Variants in DEPDC4 observed in about 807,000 individuals in gnomAD.
The protein encoded by DEPDC4 is DEP domain-containing protein 4.
In DEPDC4, 52 loss-of-function variants were observed where a neutral mutation model predicts 52.0. That is an observed-to-expected ratio of 1.00 (90% CI 0.80 to 1.26). The LOEUF is 1.26. Among genes scored for constraint, DEPDC4 ranks in the 50% most tolerant of loss-of-function variants. DEPDC4 has a pLI of 0.00. For synonymous variants in DEPDC4, 201 were observed against 196.8 expected (o/e 1.02, Z -0.18); for missense variants, 530 against 546.9 (o/e 0.97, Z 0.31).
intron 3 of DEPDC4, chr12:100,261,613 G>A (rs2153922612): frequency 2.3e-6 from 1 of 430,372 alleles, no homozygotes; most frequent in East Asian, 7.0e-5. Context: ...CAAATACTAA[G>A]GACTGTGGTG....
intron 5 of DEPDC4, among the ~76,000 whole-genome samples, chr12:100,253,152 A>T (rs1216619016): frequency 2.0e-5 from 3 of 152,198 alleles, no homozygotes; most frequent in African/African-American, 7.2e-5. Flanking sequence ...TCCTGACCTC[A>T]GGTGACTCAC....
At chr12:100,238,128 A>G, downstream of DEPDC4, 1 of 906,896 alleles carries the variant, frequency 1.1e-6, no homozygotes, top group Non-Finnish European at 1.3e-6. Flanking sequence ...CTTAAAAAAA[A>G]AAAATATGCA....
At chr12:100,265,101 C>G (rs193099469) in intron 1 of DEPDC4, among the ~76,000 whole-genome samples, 1 of 148,576 alleles carries the variant, frequency 6.7e-6, no homozygotes, top group East Asian at 2.0e-4. Flanking sequence ...GATTTCAAGA[C>G]TAGCTTGGGC....
At chr12:100,233,300 C>A (rs2096137071) in intron 9 of DEPDC4, among the ~76,000 whole-genome samples, 1 of 152,120 alleles carries the variant, frequency 6.6e-6, no homozygotes. Context: ...GCATACAGCC[C>A]CCTGAAAGAT....
upstream of DEPDC4, among the ~76,000 whole-genome samples, chr12:100,269,426 A>G (rs918828324): frequency 7.2e-5 from 11 of 152,052 alleles, no homozygotes; most frequent in African/African-American, 2.7e-4. Context: ...TTACCACACC[A>G]TTGAAGAGTT....
Position 100,262,412 on chromosome 12 carries a change from G to T in DEPDC4, c.555-3C>A. 1 of 1,588,068 alleles carries T rather than the reference G, an allele frequency of 6.3e-7. No homozygotes were observed. The highest frequency in any genetic ancestry group is 8.5e-7 in the Non-Finnish European group (1 of 1,173,330). On this transcript the variant is annotated splice_region_variant and splice_polypyrimidine_tract_variant and intron_variant, in intron 2 of 9. Coordinates refer to ENST00000550587, the MANE Select transcript of DEPDC4 (RefSeq NM_001364818.2). ...TTGAAATCATTTCATATCCTGGTCT[G>T]TTAAAAAATAATACGTGGCTCTTTT... is the stretch of plus-strand genomic sequence containing the variant.
the DEPDC4 span, among the ~76,000 whole-genome samples, chr12:100,278,597 G>A: frequency 0.016 from 2,375 of 150,612 alleles, 64 homozygotes; most frequent in African/African-American, 0.055. Flanking sequence ...TTGTTCTTTG[G>A]CATGTGTTGT....
chr12:100,280,002 T>C, the DEPDC4 span, among the ~76,000 whole-genome samples: 2 of 152,232 alleles, frequency 1.3e-5, no homozygotes, highest in Non-Finnish European at 2.9e-5. Flanking sequence ...CTCCAGCTTC[T>C]CAATTCAGCT....
Position 100,263,882 on chromosome 12 carries a change from G to GACC in DEPDC4, c.166_168dup (p.Gly56dup), listed in dbSNP as rs761989000. On this transcript the variant is annotated inframe_insertion, in exon 2 of 10. Transcript: ENST00000550587. ...TCCCATAGCTGAGTAGCTTGAAAAG[G>GACC]ACCAGAGCATCCTGAAAAAAATTAA... is the stretch of plus-strand genomic sequence containing the variant. 30 of 1,592,136 alleles carry GACC rather than the reference G, an allele frequency of 1.9e-5. No individual in the cohort carries two copies. Among genetic ancestry groups the GACC allele is most frequent in the Admixed American group, 9.0e-5 (5 of 55,466 alleles).
At chr12:100,265,849 G>C (rs1301914211) in intron 1 of DEPDC4, among the ~76,000 whole-genome samples, 4 of 152,186 alleles carry the variant, frequency 2.6e-5, no homozygotes, top group African/African-American at 9.6e-5. Flanking sequence ...AGATCTGGAA[G>C]AATAAACTTC....
At position 100,252,410 on chromosome 12, in the gene DEPDC4, T is replaced by A. The variant is rs770928970; in HGVS notation, c.1232A>T (p.Tyr411Phe). 1 of 1,574,098 alleles carries A rather than the reference T, an allele frequency of 6.4e-7. No individual in the cohort carries two copies. The highest frequency in any genetic ancestry group is 8.6e-7 in the Non-Finnish European group (1 of 1,167,848). ...FMAMASEPNA[Y>F]KLQKQYDNKT... ...ATTTTTCACCTGTTTTTGCAACTTG[T>A]AGGCATTGGGCTCTGATGCCATTGC... Residue 411 changes from tyrosine (Y) to phenylalanine (F), a missense_variant, in exon 6 of 10, where the codon TAC becomes TTC. Tyr to Phe is a conservative substitution (Grantham distance 22). Coordinates refer to ENST00000550587, the MANE Select transcript of DEPDC4 (RefSeq NM_001364818.2).
At position 100,262,118 on chromosome 12, in the gene DEPDC4, G is replaced by A. The variant is rs544857015; in HGVS notation, c.700+146C>T. 1.9e-5 allele frequency: 13 copies of A among 690,888 alleles called. No homozygotes were observed. The South Asian group carries it at 2.6e-4, about 14-fold the overall frequency. 42.8% of individuals were successfully genotyped at this position (690,888 alleles called of 1,614,324 possible). Reference sequence around the variant, plus strand: ...TTGCAGGATGTTGATAATGGGGAAGGTTGTGTGTGAGTGGAAGCAAGGGGT... The same window carrying A: ...TTGCAGGATGTTGATAATGGGGAAGATTGTGTGTGAGTGGAAGCAAGGGGT... On this transcript the variant is annotated intron_variant, in intron 3 of 9. Transcript: ENST00000550587.
upstream of DEPDC4, among the ~76,000 whole-genome samples, chr12:100,270,540 T>G (rs2096286478): frequency 6.6e-6 from 1 of 152,140 alleles, no homozygotes. Context: ...AACTTGGATG[T>G]AATCTTTCCT....
intron 8 of DEPDC4, among the ~76,000 whole-genome samples, chr12:100,244,093 G>GTA (rs775573664): frequency 0.035 from 3,154 of 89,144 alleles, 505 homozygotes; most frequent in East Asian, 0.099. Context: ...CTCTCTCTCT[G>GTA]TGTATATATA....
Position 100,252,482 on chromosome 12 carries a change from A to G in DEPDC4, c.1160T>C (p.Leu387Pro). Residue 387 changes from leucine (L) to proline (P), a missense_variant, in exon 6 of 10, where the codon CTG becomes CCG. Leu to Pro is a moderately conservative substitution (Grantham distance 98). Coordinates refer to ENST00000550587, the MANE Select transcript of DEPDC4 (RefSeq NM_001364818.2). ...TAATTCTTCTCTAATGTTCAGCAAC[A>G]GCAATCTTAGATATAGTTGTGTTGC... ...LEATQLYLRLLLLNIREELRR... is the reference protein window; with the variant it reads ...LEATQLYLRLPLLNIREELRR... 4 of 1,609,484 alleles carry G rather than the reference A, an allele frequency of 2.5e-6. No individual in the cohort carries two copies. The highest frequency in any genetic ancestry group is 3.4e-6 in the Non-Finnish European group (4 of 1,179,858).
At chr12:100,279,113 C>T in the DEPDC4 span, among the ~76,000 whole-genome samples, 30 of 152,342 alleles carry the variant, frequency 2.0e-4, no homozygotes, top group Admixed American at 1.6e-3. Context: ...CAGTCCCCAA[C>T]CTTTTTGGCA....
chr12:100,251,218 T>C (rs1390802296), intron 7 of DEPDC4, among the ~76,000 whole-genome samples: 1 of 151,876 alleles, frequency 6.6e-6, no homozygotes, highest in Admixed American at 6.6e-5. Context: ...TAAAGGCATG[T>C]ATCACTGTGC....
chr12:100,261,742 A>T (rs1199162966), intron 3 of DEPDC4: 2 of 456,596 alleles, frequency 4.4e-6, no homozygotes, highest in African/African-American at 4.0e-5. Context: ...GTCTTATCTG[A>T]TGTAATTGCT....
the DEPDC4 span, among the ~76,000 whole-genome samples, chr12:100,274,426 T>G: frequency 1.2e-4 from 18 of 152,318 alleles, no homozygotes; most frequent in South Asian, 3.5e-3. Flanking sequence ...AATAAATGTG[T>G]TCCTATATAT....
Sources: allele counts gnomAD v4.1 joint callset (sites outside exome capture counted in the v4.1 genomes callset), GRCh38; gene constraint gnomAD v4.1.1; transcripts MANE v1.5; gene names NCBI Gene and HGNC (gene_info 2026-07-23, HGNC 2026-07-21).